Variants in MYO3A observed in about 807,000 individuals in gnomAD.
MYO3A encodes the protein myosin IIIA, also known as myosin-IIIa.
In MYO3A, 180 loss-of-function variants were observed where a neutral mutation model predicts 192.7. The ratio of observed to expected loss-of-function variants is 0.93; its 90% CI spans 0.83 to 1.06. The LOEUF is 1.06. MYO3A is among the 50% of genes least tolerant of loss of function. The probability of loss-of-function intolerance (pLI) is 0.00; values close to 1 mark genes in which losing one functional copy is unlikely to be tolerated. For missense variants in MYO3A, 1,896 were observed against 1,905.0 expected, an observed-to-expected ratio of 1.00 and a Z score of 0.09; for synonymous variants, 628 against 645.3, an observed-to-expected ratio of 0.97 and a Z score of 0.41.
chr10:26,205,041 T>C (rs1367735400), intron 34 of MYO3A, among the ~76,000 whole-genome samples: 1 of 152,224 alleles, frequency 6.6e-6, no homozygotes, highest in Non-Finnish European at 1.5e-5. Flanking sequence ...TTTGTGTATA[T>C]ACACACACCA....
chr10:26,142,933 T>G (rs1359678720), intron 20 of MYO3A, among the ~76,000 whole-genome samples: 1 of 152,230 alleles, frequency 6.6e-6, no homozygotes, highest in Non-Finnish European at 1.5e-5. Context: ...AATTCTAGTA[T>G]GGAGACTAGA....
chr10:25,965,959 T>C (rs4749088), intron 4 of MYO3A, among the ~76,000 whole-genome samples: 3,909 of 148,920 alleles, frequency 0.026, 127 homozygotes, highest in Admixed American at 0.074. Context: ...GTTTTTTTTT[T>C]TCTCTCTCTC....
intron 20 of MYO3A, 40 bp downstream of exon 20, chr10:26,128,578 G>A: frequency 6.4e-7 from 1 of 1,551,714 alleles, no homozygotes; most frequent in Non-Finnish European, 8.9e-7. Flanking sequence ...ATGCATGCAT[G>A]TATTATAGGC....
intron 32 of MYO3A, among the ~76,000 whole-genome samples, chr10:26,196,218 A>G (rs758905498): frequency 1.1e-4 from 16 of 152,258 alleles, no homozygotes; most frequent in South Asian, 2.1e-4. Flanking sequence ...TAAGTAGTCA[A>G]TGATACTCAA....
intron 23 of MYO3A, among the ~76,000 whole-genome samples, chr10:26,149,967 C>T (rs1840702840): frequency 6.6e-6 from 1 of 151,878 alleles, no homozygotes; most frequent in African/African-American, 2.4e-5. Flanking sequence ...CAGTATTTGT[C>T]TTTTTTGACT....
intron 17 of MYO3A, among the ~76,000 whole-genome samples, chr10:26,097,268 T>C (rs1356021421): frequency 6.6e-6 from 1 of 152,166 alleles, no homozygotes; most frequent in Non-Finnish European, 1.5e-5. Flanking sequence ...ATACAAGGGA[T>C]CATATAATAT....
intron 31 of MYO3A, among the ~76,000 whole-genome samples, chr10:26,183,421 G>A (rs1282870573): frequency 3.3e-5 from 5 of 152,200 alleles, no homozygotes; most frequent in African/African-American, 1.2e-4. Context: ...TACTCAGGAG[G>A]CTGAGGCAGG....
chr10:25,964,055 T>C (rs1441819839), intron 4 of MYO3A, among the ~76,000 whole-genome samples: 2 of 152,142 alleles, frequency 1.3e-5, no homozygotes, highest in African/African-American at 2.4e-5. Context: ...TGGTAAGTTA[T>C]TTTCTCTGTT....
chr10:26,137,002 A>T (rs1196397060), intron 20 of MYO3A, among the ~76,000 whole-genome samples: 1 of 151,238 alleles, frequency 6.6e-6, no homozygotes, highest in African/African-American at 2.4e-5. Context: ...TGGGCCACGG[A>T]GCAAGACTCT....
chr10:25,996,318 C>G (rs1312388725), intron 4 of MYO3A, among the ~76,000 whole-genome samples, 172 bp from the exon 5 acceptor site: 1 of 152,144 alleles, frequency 6.6e-6, no homozygotes, highest in African/African-American at 2.4e-5. Context: ...ATTAATTTTA[C>G]ACAAGTCTAA....
intron 15 of MYO3A, among the ~76,000 whole-genome samples, chr10:26,090,699 C>T (rs577771748): frequency 6.6e-6 from 1 of 152,270 alleles, no homozygotes; most frequent in African/African-American, 2.4e-5. Flanking sequence ...TTAATAGGTA[C>T]ATTTACAAAT....
intron 12 of MYO3A, 38 bp from the exon 13 acceptor site, chr10:26,070,073 C>T (rs1331838228): frequency 1.4e-6 from 2 of 1,458,518 alleles, no homozygotes; most frequent in African/African-American, 1.4e-5. Flanking sequence ...TAAATAAAAA[C>T]AAAAAGCCCT....
At chr10:26,132,038 C>G (rs534886757) in intron 20 of MYO3A, among the ~76,000 whole-genome samples, 30 of 152,342 alleles carry the variant, frequency 2.0e-4, no homozygotes, top group South Asian at 1.2e-3. Context: ...ACACTGTCAA[C>G]TTCCATTTTC....
rs763910833 is a variant in MYO3A at position 26,176,770 on chromosome 10, C to T, written c.4363C>T (p.Leu1455=). 1 of 1,613,312 alleles carries T rather than the reference C, an allele frequency of 6.2e-7. No individual in the cohort carries two copies. The highest frequency in any genetic ancestry group is 1.1e-5 in the South Asian group (1 of 91,074). The part of the protein sequence containing the change: ...KLNEMILSQQ[L]KSLYLGVSHH... ...GAATGAAATGATTTTGTCACAGCAA[C>T]TGAAGTCACTTTATCTGGGTGTCTC... is the stretch of plus-strand genomic sequence containing the variant. Residue 1455 remains leucine, a synonymous_variant, in exon 31 of 35, where the codon CTG becomes TTG. Coordinates refer to ENST00000642920, the MANE Select transcript of MYO3A (RefSeq NM_017433.5).
At chr10:25,950,860 T>C (rs1837166119) in intron 2 of MYO3A, among the ~76,000 whole-genome samples, 2 of 152,124 alleles carry the variant, frequency 1.3e-5, no homozygotes, top group Admixed American at 1.3e-4. Flanking sequence ...TTAATTTATA[T>C]TGAAAAGAGT....
chr10:26,185,644 C>T (rs1842831676), intron 31 of MYO3A, among the ~76,000 whole-genome samples: 1 of 152,040 alleles, frequency 6.6e-6, no homozygotes, highest in African/African-American at 2.4e-5. Flanking sequence ...ACAGCCCATT[C>T]CAGGATTATT....
chr10:26,201,919 A>G (rs914206690), intron 33 of MYO3A, among the ~76,000 whole-genome samples: 1 of 152,154 alleles, frequency 6.6e-6, no homozygotes, highest in Non-Finnish European at 1.5e-5. Flanking sequence ...TTGCTTGGGC[A>G]ATTTGAACAT....
At chr10:26,077,378 T>G (rs1270436055) in intron 14 of MYO3A, among the ~76,000 whole-genome samples, 1 of 151,776 alleles carries the variant, frequency 6.6e-6, no homozygotes, top group Non-Finnish European at 1.5e-5. Flanking sequence ...TGAATTCTTT[T>G]ATCAGTTCTA....
intron 10 of MYO3A, among the ~76,000 whole-genome samples, chr10:26,027,328 C>A (rs990710958): frequency 1.4e-5 from 2 of 146,648 alleles, no homozygotes; most frequent in Non-Finnish European, 3.0e-5. Flanking sequence ...CTTTTAATAT[C>A]TTCTTCTTGT....
Sources: allele counts gnomAD v4.1 joint callset (sites outside exome capture counted in the v4.1 genomes callset), GRCh38; gene constraint gnomAD v4.1.1; transcripts MANE v1.5; gene names NCBI Gene and HGNC (gene_info 2026-07-23, HGNC 2026-07-21).